The following UBE3D variants were observed in gnomAD, a reference collection of about 807,000 sequenced individuals.
UBE3D encodes ubiquitin protein ligase E3D.
UBE3D carries 48 observed loss-of-function variants against 49.6 expected under a neutral mutation model. The ratio of observed to expected loss-of-function variants is 0.97; its 90% CI spans 0.77 to 1.23. The LOEUF is 1.23. Among genes scored for constraint, UBE3D ranks in the 50% most tolerant of loss-of-function variants. The pLI is 0.00. For missense variants in UBE3D, 452 were observed against 468.4 expected (o/e 0.96, Z 0.32); for synonymous variants, 189 against 174.2 (o/e 1.08, Z -0.67).
chr6:82,885,403 T>C, the UBE3D span, among the ~76,000 whole-genome samples: 2 of 152,196 alleles, frequency 1.3e-5, no homozygotes, highest in African/African-American at 4.8e-5. Context: ...AGCAAATTCA[T>C]AGAATAATCA....
intron 9 of UBE3D, among the ~76,000 whole-genome samples, chr6:82,928,316 A>G (rs1773904930): frequency 6.6e-6 from 1 of 152,142 alleles, no homozygotes; most frequent in Admixed American, 6.6e-5. Context: ...AAACAAGCCA[A>G]CAAGTCTCTC....
chr6:83,015,974 T>TC (rs1039388425), intron 8 of UBE3D, among the ~76,000 whole-genome samples: 1 of 152,134 alleles, frequency 6.6e-6, no homozygotes, highest in Non-Finnish European at 1.5e-5. Context: ...CTCCCACACG[T>TC]CCCCATTCCA....
intron 9 of UBE3D, among the ~76,000 whole-genome samples, chr6:82,902,861 C>G (rs1217166436): frequency 6.6e-6 from 1 of 152,174 alleles, no homozygotes; most frequent in African/African-American, 2.4e-5. Flanking sequence ...GGTACCATCT[C>G]ACTAAATCCT....
At chr6:83,030,345 C>T (rs542477592) in intron 5 of UBE3D, among the ~76,000 whole-genome samples, 1 of 152,176 alleles carries the variant, frequency 6.6e-6, no homozygotes, top group South Asian at 2.1e-4. Context: ...GCATGTTTTT[C>T]CCATATCATG....
chr6:83,048,401 C>G (rs1783226448), intron 3 of UBE3D, among the ~76,000 whole-genome samples: 1 of 152,100 alleles, frequency 6.6e-6, no homozygotes, highest in African/African-American at 2.4e-5. Flanking sequence ...GGAGTTAGGC[C>G]TAAATAGGTT....
intron 8 of UBE3D, among the ~76,000 whole-genome samples, chr6:82,974,817 C>T (rs1371475210): frequency 6.6e-6 from 1 of 151,420 alleles, no homozygotes; most frequent in Non-Finnish European, 1.5e-5. Flanking sequence ...TTAAAAACAT[C>T]ATATTGTGAA....
rs557741957 is a variant in UBE3D at position 83,009,494 on chromosome 6, C to T, written c.1010+9479G>A. Among the ~76,000 whole-genome samples the T allele has an allele frequency of 3.3e-5, 5 of 150,802 alleles. No individual in the cohort carries two copies. In the East Asian group the frequency reaches 9.8e-4, roughly 30 times the overall value. ...ATAATCAAATATTTGGGAAATGCAC[C>T]ACCATGAAAGAGAGGTACCAAACTT... On this transcript the variant is annotated intron_variant, in intron 8 of 9. Coordinates refer to ENST00000369747, the MANE Select transcript of UBE3D (RefSeq NM_198920.3).
chr6:82,937,998 C>A (rs1774717613), intron 9 of UBE3D, among the ~76,000 whole-genome samples: 1 of 152,156 alleles, frequency 6.6e-6, no homozygotes, highest in South Asian at 2.1e-4. Context: ...CGCGCGCACA[C>A]ACACACACAA....
At chr6:82,992,751 A>G (rs1180630876) in intron 8 of UBE3D, among the ~76,000 whole-genome samples, 1 of 152,190 alleles carries the variant, frequency 6.6e-6, no homozygotes, top group African/African-American at 2.4e-5. Flanking sequence ...GGAATCCAGC[A>G]TACTGGACAG....
At chr6:82,997,766 A>G (rs1198040774) in intron 8 of UBE3D, among the ~76,000 whole-genome samples, 4 of 152,118 alleles carry the variant, frequency 2.6e-5, no homozygotes, top group Non-Finnish European at 5.9e-5. Context: ...TTTTGTATAT[A>G]CTTCCAGGGG....
At chr6:82,961,644 C>G (rs1283887055) in intron 8 of UBE3D, among the ~76,000 whole-genome samples, 1 of 152,210 alleles carries the variant, frequency 6.6e-6, no homozygotes, top group Non-Finnish European at 1.5e-5. Flanking sequence ...ATAACTGAAT[C>G]TGCTAATGCC....
chr6:82,887,389 G>GTT, the UBE3D span, among the ~76,000 whole-genome samples: 1,252 of 98,220 alleles, frequency 0.013, 59 homozygotes, highest in African/African-American at 0.059. Context: ...GACAGTAACA[G>GTT]TTTTTTTTTT....
intron 8 of UBE3D, among the ~76,000 whole-genome samples, chr6:82,971,151 G>A (rs1777324557): frequency 6.6e-6 from 1 of 151,966 alleles, no homozygotes; most frequent in African/African-American, 2.4e-5. Flanking sequence ...AATTAAAACA[G>A]TTCCATTTTG....
chr6:82,896,805 G>A (rs1441407640), intron 9 of UBE3D, among the ~76,000 whole-genome samples: 1 of 151,490 alleles, frequency 6.6e-6, no homozygotes, highest in Non-Finnish European at 1.5e-5. Context: ...AGAGTGGCCT[G>A]ATCTTGGCTC....
intron 9 of UBE3D, among the ~76,000 whole-genome samples, chr6:82,932,883 G>GGA (rs377224341): frequency 1.1e-3 from 168 of 152,220 alleles, no homozygotes; most frequent in African/African-American, 3.9e-3. Flanking sequence ...GCTAGAGCAT[G>GGA]GAGAGAGAGA....
At chr6:82,964,788 T>C (rs1776793524) in intron 8 of UBE3D, among the ~76,000 whole-genome samples, 3 of 152,192 alleles carry the variant, frequency 2.0e-5, no homozygotes, top group African/African-American at 7.2e-5. Flanking sequence ...TCTAAATATA[T>C]TGGAATGTCT....
chr6:82,923,174 A>G (rs1773480332), intron 9 of UBE3D, among the ~76,000 whole-genome samples: 1 of 152,240 alleles, frequency 6.6e-6, no homozygotes, highest in South Asian at 2.1e-4. Flanking sequence ...ATCTAGAACT[A>G]GAAATACTAT....
chr6:82,964,636 C>G (rs2127784261), intron 8 of UBE3D, among the ~76,000 whole-genome samples: 1 of 152,278 alleles, frequency 6.6e-6, no homozygotes. Flanking sequence ...ATATGTCCAT[C>G]AATTTAAGCT....
In UBE3D at chr6:83,048,521, C is replaced by A. The variant is rs114317478; in HGVS notation, c.366-3862G>T. ...AAGACAACAATGTCAAAACCCCCTA[C>A]ATGATCAGGGAAATAAAATTGCACC... On this transcript the variant is annotated intron_variant, in intron 3 of 9. Transcript: ENST00000369747. 4.6e-3 allele frequency among the ~76,000 whole-genome samples: 703 copies of A among 152,296 alleles called. 7 individuals are homozygous for A. The highest frequency in any genetic ancestry group is 0.016 in the African/African-American group (664 of 41,556).
Sources: gnomAD v4.1 joint callset for allele counts (sites outside exome capture counted in the v4.1 genomes callset) on GRCh38, gnomAD v4.1.1 for gene constraint, MANE v1.5 for transcripts, NCBI Gene and HGNC (gene_info 2026-07-23, HGNC 2026-07-21) for gene names.